SLC17A6: variants seen among roughly 807,000 people sequenced by gnomAD.
The protein encoded by SLC17A6 is solute carrier family 17 member 6, also known as vesicular glutamate transporter 2.
SLC17A6 carries 35 observed loss-of-function variants against 67.1 expected under a neutral mutation model. The ratio of observed to expected loss-of-function variants is 0.52; its 90% CI spans 0.40 to 0.69. The LOEUF (loss-of-function observed/expected upper bound fraction) is 0.69, where lower values mean the gene tolerates loss of function less well. SLC17A6 is among the 30% of genes least tolerant of loss of function. The pLI, the probability that SLC17A6 is intolerant of heterozygous loss-of-function variation, is 0.00. For missense variants in SLC17A6, 588 were observed against 723.9 expected, an observed-to-expected ratio of 0.81 and a Z score of 2.15; for synonymous variants, 285 against 252.3, an observed-to-expected ratio of 1.13 and a Z score of -1.23.
chr11:22,376,688 C>T lies in SLC17A6; in HGVS notation c.1413+16C>T. 1 of 1,613,080 alleles carries T rather than the reference C, an allele frequency of 6.2e-7. No homozygotes were observed. The highest frequency in any genetic ancestry group is 8.5e-7 in the Non-Finnish European group (1 of 1,179,278). On this transcript the variant is annotated intron_variant, in intron 11 of 11. Coordinates refer to ENST00000263160, the MANE Select transcript of SLC17A6 (RefSeq NM_020346.3). ...AAAGAATAAGGTAAGATGGTCAAAA[C>T]AGATGTTTAGTCATAGAAGACAGTT...
At chr11:22,360,820 G>T in intron 4 of SLC17A6, 77 bp from the exon 5 acceptor site, 1 of 1,228,034 alleles carries the variant, frequency 8.1e-7, no homozygotes. Context: ...CTGAAGGGCA[G>T]GGAGGATTTG....
chr11:22,341,471 A>T, intron 1 of SLC17A6, 57 bp from the exon 2 acceptor site: 1 of 1,583,082 alleles, frequency 6.3e-7, no homozygotes, highest in African/African-American at 1.3e-5. Context: ...GGAATGGGTC[A>T]GCATCGGGGG....
At chr11:22,359,577 AC>A in intron 4 of SLC17A6, 50 bp downstream of exon 4, 1 of 1,146,446 alleles carries the variant, frequency 8.7e-7, no homozygotes, top group Non-Finnish European at 1.2e-6. Context: ...TTGGTTGAGA[AC>A]CACCAGTTTA....
chr11:22,341,798 G>T lies in SLC17A6; in HGVS notation c.339+18G>T. On this transcript the variant is annotated intron_variant, in intron 2 of 11. Coordinates refer to ENST00000263160, the MANE Select transcript of SLC17A6 (RefSeq NM_020346.3). ...TCAAGGAGGTGGGCAACGTCTGGCC[G>T]CCCTGGCTCCTGCCCTTCGGCCATG... 6.2e-7 allele frequency: 1 copy of T among 1,611,802 alleles called. No individual in the cohort carries two copies. The highest frequency in any genetic ancestry group is 1.7e-5 in the Admixed American group (1 of 59,984).
intron 3 of SLC17A6, 39 bp downstream of exon 3, chr11:22,343,404 T>G (rs923975603): frequency 6.5e-7 from 1 of 1,543,906 alleles, no homozygotes; most frequent in Non-Finnish European, 8.8e-7. Flanking sequence ...GGGCGTGGTG[T>G]TTGTTTCCTC....
At position 22,378,630 on chromosome 11, in the gene SLC17A6, G is replaced by A. The variant is rs1454117085; in HGVS notation, c.*890G>A. ...ATTATGGAGATATAGCCCTTAAAAT[G>A]CAATATTAAGAACAAAGAAATAGAA... is the stretch of plus-strand genomic sequence containing the variant. On this transcript the variant is annotated 3_prime_UTR_variant, in exon 12 of 12. Transcript: ENST00000263160. 6.6e-6 allele frequency: 1 copy of A among 152,256 alleles called. No individual in the cohort carries two copies. Among genetic ancestry groups the A allele is most frequent in the East Asian group, 1.9e-4 (1 of 5,190 alleles). 9.4% of individuals were successfully genotyped at this position (152,256 alleles called of 1,614,324 possible).
chr11:22,365,511 G>A (rs1564984619), intron 6 of SLC17A6, 36 bp from the exon 7 acceptor site: 3 of 1,611,580 alleles, frequency 1.9e-6, no homozygotes, highest in Middle Eastern at 1.7e-4. Flanking sequence ...ACTGTTAAAT[G>A]GAAGTGACTT....
chr11:22,364,602 G>T (rs1242230002), intron 6 of SLC17A6, among the ~76,000 whole-genome samples: 1 of 152,024 alleles, frequency 6.6e-6, no homozygotes, highest in Non-Finnish European at 1.5e-5. Context: ...CAGCTCATCA[G>T]AAGCTATGTA....
At position 22,369,909 on chromosome 11, in the gene SLC17A6, T is replaced by C. The variant is rs983806744; in HGVS notation, c.892-130T>C. On this transcript the variant is annotated intron_variant, in intron 7 of 11. Transcript: ENST00000263160. ...TTAACTGGGTGGTTATAATTAATGC[T>C]TCACTACATCTTCCTACTTCCTACT... The C allele has an allele frequency of 5.5e-5, 42 of 767,698 alleles. No individual in the cohort carries two copies. The African/African-American group carries it at 7.3e-4, about 13-fold the overall frequency. 47.6% of individuals were successfully genotyped at this position (767,698 alleles called of 1,614,324 possible).
chr11:22,365,499 T>A, intron 6 of SLC17A6, 48 bp from the exon 7 acceptor site: 1 of 1,600,540 alleles, frequency 6.2e-7, no homozygotes, highest in Non-Finnish European at 8.6e-7. Flanking sequence ...TTGCAGCACA[T>A]CACTGTTAAA....
chr11:22,375,238 G>A (rs1856220002), intron 9 of SLC17A6, among the ~76,000 whole-genome samples: 1 of 151,678 alleles, frequency 6.6e-6, no homozygotes, highest in Admixed American at 6.6e-5. Context: ...TGGGCATGGT[G>A]GTGAGTGCCT....
At chr11:22,355,664 C>T (rs185370527) in intron 3 of SLC17A6, among the ~76,000 whole-genome samples, 5 of 152,298 alleles carry the variant, frequency 3.3e-5, no homozygotes, top group Admixed American at 3.3e-4. Context: ...CCTCATCCAG[C>T]ATCCCACTCT....
rs1304327802 is a variant in SLC17A6 at position 22,378,064 on chromosome 11, C to T, written c.*324C>T. 3 of 328,880 alleles carry T rather than the reference C, an allele frequency of 9.1e-6. No homozygotes were observed. The highest frequency in any genetic ancestry group is 1.6e-5 in the Non-Finnish European group (3 of 182,302). The allele number at this position is 328,880 out of a possible 1,614,324, so 20.4% of individuals were successfully genotyped here. ...ATTTACTAAAGCACAACATCTCATC[C>T]TACAAAAGTTAAGAAGCCAAAGCTA... On this transcript the variant is annotated 3_prime_UTR_variant, in exon 12 of 12. Transcript: ENST00000263160.
chr11:22,366,011 C>T (rs555714776), intron 7 of SLC17A6, among the ~76,000 whole-genome samples: 153 of 150,520 alleles, frequency 1.0e-3, no homozygotes, highest in African/African-American at 3.0e-3. Flanking sequence ...GTTCATTTTA[C>T]GTTAAAAAAA....
chr11:22,370,437 T>A (rs374035258), intron 8 of SLC17A6, among the ~76,000 whole-genome samples: 12 of 152,144 alleles, frequency 7.9e-5, no homozygotes, highest in East Asian at 5.8e-4. Context: ...TTCATGGAAC[T>A]TAGAGCCCAG....
intron 3 of SLC17A6, among the ~76,000 whole-genome samples, chr11:22,347,453 C>T (rs779991308): frequency 6.6e-6 from 1 of 151,982 alleles, no homozygotes; most frequent in Non-Finnish European, 1.5e-5. Context: ...GTGCCTGGAA[C>T]TAGGTAATTG....
chr11:22,370,253 A>AT (rs34993761), intron 8 of SLC17A6, 65 bp downstream of exon 8: 1 of 1,345,046 alleles, frequency 7.4e-7, no homozygotes, highest in Non-Finnish European at 1.0e-6. Context: ...TACTAAATTC[A>AT]TTTGCAAAAA....
Position 22,376,606 on chromosome 11 carries a change from G to A in SLC17A6, c.1347G>A (p.Ser449=), listed in dbSNP as rs200342565. ...PRYASILMGI[S]NGVGTLSGMV... is the part of the protein sequence containing the mutation. Reference sequence around the variant, plus strand: ...ATGCCAGTATCTTAATGGGCATTTCGAATGGTGTTGGCACATTGTCAGGAA... The same window carrying A: ...ATGCCAGTATCTTAATGGGCATTTCAAATGGTGTTGGCACATTGTCAGGAA... Residue 449 remains serine, a synonymous_variant, in exon 11 of 12, where the codon TCG becomes TCA. Transcript: ENST00000263160. The A allele has an allele frequency of 1.4e-5, 22 of 1,613,922 alleles. No individual in the cohort carries two copies. The highest frequency in any genetic ancestry group is 1.2e-4 in the African/African-American group (9 of 75,016).
intron 3 of SLC17A6, among the ~76,000 whole-genome samples, chr11:22,354,143 G>A (rs1187903082): frequency 4.6e-5 from 7 of 151,896 alleles, no homozygotes; most frequent in African/African-American, 1.7e-4. Flanking sequence ...GAGTGCAGTG[G>A]CACGATCTCA....
Sources: gnomAD v4.1 joint callset for allele counts (sites outside exome capture counted in the v4.1 genomes callset) on GRCh38, gnomAD v4.1.1 for gene constraint, MANE v1.5 for transcripts, NCBI Gene and HGNC (gene_info 2026-07-23, HGNC 2026-07-21) for gene names.